SCARA3: variants seen among roughly 807,000 people sequenced by gnomAD.
SCARA3 encodes the protein cellular stress response gene protein.
A neutral mutation model predicts 47.0 loss-of-function variants in SCARA3; 39 were observed. The observed-to-expected ratio is 0.83, with a 90% confidence interval of 0.64 to 1.08. SCARA3 has a LOEUF of 1.08. Among genes scored for constraint, SCARA3 ranks in the 50% least tolerant of loss-of-function variants. The probability of loss-of-function intolerance (pLI) is 0.00; values close to 1 mark genes in which losing one functional copy is unlikely to be tolerated. For synonymous variants in SCARA3, 356 were observed against 334.1 expected (o/e 1.07, Z -0.71); for missense variants, 724 against 792.3 (o/e 0.91, Z 1.04).
At chr8:27,713,467 T>C in the SCARA3 span, among the ~76,000 whole-genome samples, 3 of 152,258 alleles carry the variant, frequency 2.0e-5, no homozygotes, top group Non-Finnish European at 4.4e-5. Flanking sequence ...TTTGAAATTG[T>C]GTAAATACCC....
the SCARA3 span, among the ~76,000 whole-genome samples, chr8:27,698,386 T>C: frequency 2.6e-5 from 4 of 152,218 alleles, no homozygotes; most frequent in Admixed American, 2.0e-4. Context: ...CAAGTTGATA[T>C]GACAACAAGA....
chr8:27,733,107 A>G, the SCARA3 span, among the ~76,000 whole-genome samples: 6 of 152,168 alleles, frequency 3.9e-5, no homozygotes, highest in Non-Finnish European at 7.4e-5. Flanking sequence ...TGGGTTCTTC[A>G]ATCCTCCTCC....
At chr8:27,721,871 C>G in the SCARA3 span, among the ~76,000 whole-genome samples, 1 of 152,142 alleles carries the variant, frequency 6.6e-6, no homozygotes, top group Non-Finnish European at 1.5e-5. Context: ...AACTCTCAAA[C>G]AGGAGTTTGA....
At chr8:27,647,517 G>T (rs1181209210) in intron 1 of SCARA3, among the ~76,000 whole-genome samples, 4 of 152,226 alleles carry the variant, frequency 2.6e-5, no homozygotes, top group African/African-American at 9.7e-5. Flanking sequence ...AATTGTGTTT[G>T]TTGAGCCTTT....
chr8:27,729,627 C>T, the SCARA3 span, among the ~76,000 whole-genome samples: 1 of 151,810 alleles, frequency 6.6e-6, no homozygotes, highest in Non-Finnish European at 1.5e-5. Context: ...CCCGTCTCTA[C>T]TAAAAACACA....
chr8:27,637,862 A>G lies in SCARA3; in HGVS notation c.7+3655A>G, dbSNP rs542746016. On this transcript the variant is annotated intron_variant, in intron 1 of 5. Coordinates refer to ENST00000301904, the MANE Select transcript of SCARA3 (RefSeq NM_016240.3). ...GGCCGAGAGGAGAGGATCTCCACTC[A>G]TGAGCGGCCAGGCTGGGGGCCCCAG... is the stretch of plus-strand genomic sequence containing the variant. 1.2e-4 allele frequency among the ~76,000 whole-genome samples: 18 copies of G among 152,020 alleles called. No individual in the cohort carries two copies. The East Asian group carries it at 3.5e-3, about 30-fold the overall frequency.
the SCARA3 span, among the ~76,000 whole-genome samples, chr8:27,692,824 A>G: frequency 6.6e-6 from 1 of 151,992 alleles, no homozygotes; most frequent in African/African-American, 2.4e-5. Context: ...AACTCTTTCA[A>G]TCAGAAAATC....
Position 27,671,783 on chromosome 8 carries a change from C to T in SCARA3, c.*432C>T. ...ACACATGTACGCACACACACATGCA[C>T]TGCACACATATCCATGCACACAAAC... On this transcript the variant is annotated 3_prime_UTR_variant, in exon 6 of 6. Coordinates refer to ENST00000301904, the MANE Select transcript of SCARA3 (RefSeq NM_016240.3). 1 of 993,840 alleles carries T rather than the reference C, an allele frequency of 1.0e-6. No individual in the cohort carries two copies. The highest frequency in any genetic ancestry group is 1.2e-6 in the Non-Finnish European group (1 of 835,692). The allele number at this position is 993,840 out of a possible 1,614,324, so 61.6% of individuals were successfully genotyped here. A position where few individuals can be genotyped will look rare whatever the true frequency, so the allele number is the denominator to read the frequency against.
the SCARA3 span, among the ~76,000 whole-genome samples, chr8:27,708,018 T>C: frequency 6.6e-6 from 1 of 152,228 alleles, no homozygotes; most frequent in South Asian, 2.1e-4. Flanking sequence ...CTTGGAAAAC[T>C]ATAAGAGAAT....
rs141271628 is a variant in SCARA3 at position 27,672,625 on chromosome 8, G to C, written c.*1274G>C. ...CAGCCAGCTGGACTAGGAGTGGGAA[G>C]GGCCTGGACACTCACAGAGGCCCCC... On this transcript the variant is annotated 3_prime_UTR_variant, in exon 6 of 6. Coordinates refer to ENST00000301904, the MANE Select transcript of SCARA3 (RefSeq NM_016240.3). 1.1e-5 allele frequency: 11 copies of C among 985,516 alleles called. No homozygotes were observed. In the African/African-American group the frequency reaches 1.9e-4, roughly 17 times the overall value. The allele number at this position is 985,516 out of a possible 1,614,324, so 61.0% of individuals were successfully genotyped here. A position where few individuals can be genotyped will look rare whatever the true frequency, so the allele number is the denominator to read the frequency against.
At chr8:27,676,784 G>A (rs73231061), downstream of SCARA3, 1 of 474,916 alleles carries the variant, frequency 2.1e-6, no homozygotes, top group African/African-American at 2.0e-5. Flanking sequence ...TGATTTAAAT[G>A]TTTATTTTAC....
Position 27,649,761 on chromosome 8 carries a change from G to A in SCARA3, c.67G>A (p.Asp23Asn). The change falls in exon 2 of 6, where the codon GAC becomes AAC. Residue 23 changes from aspartate (D) to asparagine (N), a missense_variant. Physicochemically the swap from Asp to Asn is conservative, Grantham distance 23. Transcript: ENST00000301904. ...CGTTACAGAAGAGGACCTGGCGGGT[G>A]ACGACGAGGACATGCCGACCTTCCC... ...LCVTEEDLAG[D>N]DEDMPTFPCT... The A allele has an allele frequency of 6.2e-7, 1 of 1,614,182 alleles. No homozygotes were observed. The highest frequency in any genetic ancestry group is 1.1e-5 in the South Asian group (1 of 91,082).
chr8:27,731,932 T>G, the SCARA3 span, among the ~76,000 whole-genome samples: 5 of 152,220 alleles, frequency 3.3e-5, no homozygotes, highest in Non-Finnish European at 5.9e-5. Flanking sequence ...TCTGTGGTTT[T>G]CATCTGCTGA....
At chr8:27,647,784 C>T (rs779957) in intron 1 of SCARA3, among the ~76,000 whole-genome samples, 27,951 of 152,126 alleles carry the variant, frequency 0.18, 3,140 homozygotes, top group Middle Eastern at 0.33. Flanking sequence ...GCAGAGGGCA[C>T]TCGTGGTCTT....
At chr8:27,695,809 T>C in the SCARA3 span, among the ~76,000 whole-genome samples, 1 of 151,568 alleles carries the variant, frequency 6.6e-6, no homozygotes, top group East Asian at 1.9e-4. Flanking sequence ...TAAAGACAAA[T>C]CAAGAGAATA....
At chr8:27,712,539 G>C in the SCARA3 span, among the ~76,000 whole-genome samples, 1 of 142,468 alleles carries the variant, frequency 7.0e-6, no homozygotes, top group East Asian at 2.1e-4. Context: ...CTCCAGCCTG[G>C]GTGACAGAGC....
At chr8:27,727,937 A>G in the SCARA3 span, among the ~76,000 whole-genome samples, 4 of 152,168 alleles carry the variant, frequency 2.6e-5, no homozygotes, top group East Asian at 7.8e-4. Context: ...GGAGAGCTCC[A>G]CTCTTCCAAT....
In SCARA3 at chr8:27,671,790, CAT is replaced by C. The variant is rs1346747315; in HGVS notation, c.*442_*443del. 12 of 991,774 alleles carry C rather than the reference CAT, an allele frequency of 1.2e-5. No homozygotes were observed. Among genetic ancestry groups the C allele is most frequent in the African/African-American group, 5.2e-5 (3 of 57,518 alleles). 61.4% of individuals were successfully genotyped at this position (991,774 alleles called of 1,614,324 possible). A position where few individuals can be genotyped will look rare whatever the true frequency, so the allele number is the denominator to read the frequency against. ...TACGCACACACACATGCACTGCACA[CAT>C]ATCCATGCACACAAACACATATATA... On this transcript the variant is annotated 3_prime_UTR_variant, in exon 6 of 6. Coordinates refer to ENST00000301904, the MANE Select transcript of SCARA3 (RefSeq NM_016240.3).
chr8:27,692,430 A>C, the SCARA3 span, among the ~76,000 whole-genome samples: 5 of 152,074 alleles, frequency 3.3e-5, no homozygotes, highest in African/African-American at 1.2e-4. Context: ...AAAAAAAAAA[A>C]AAAAAACAAA....
Sources: gnomAD v4.1 joint callset for allele counts (sites outside exome capture counted in the v4.1 genomes callset) on GRCh38, gnomAD v4.1.1 for gene constraint, MANE v1.5 for transcripts, NCBI Gene and HGNC (gene_info 2026-07-23, HGNC 2026-07-21) for gene names.